RPTOR: variants seen among roughly 807,000 people sequenced by gnomAD.
RPTOR encodes the protein regulatory-associated protein of mTOR.
RPTOR carries 21 observed loss-of-function variants against 169.9 expected under a neutral mutation model. The ratio of observed to expected loss-of-function variants is 0.12; its 90% CI spans 0.09 to 0.18. The LOEUF (loss-of-function observed/expected upper bound fraction) is 0.18. Ranked by LOEUF, RPTOR falls within the 10% of genes least tolerant of loss-of-function variation. The pLI is 1.00. For missense variants in RPTOR, 1,133 were observed against 1,855.9 expected, an observed-to-expected ratio of 0.61 and a Z score of 7.16; for synonymous variants, 732 against 753.2, an observed-to-expected ratio of 0.97 and a Z score of 0.46.
At chr17:80,856,684 G>A (rs899564504) in intron 12 of RPTOR, among the ~76,000 whole-genome samples, 2 of 152,300 alleles carry the variant, frequency 1.3e-5, no homozygotes, top group East Asian at 1.9e-4. Context: ...TGGTGGTGTC[G>A]CTTAGTCATC....
chr17:80,743,763 A>AGAGCC (rs1567887225), intron 5 of RPTOR, among the ~76,000 whole-genome samples: 10 of 133,096 alleles, frequency 7.5e-5, no homozygotes, highest in Admixed American at 1.4e-4. Context: ...GGCTACTAGC[A>AGAGCC]CTCTCCTGGT....
chr17:80,938,438 CT>C (rs1353782976), intron 24 of RPTOR, among the ~76,000 whole-genome samples: 1 of 152,244 alleles, frequency 6.6e-6, no homozygotes, highest in African/African-American at 2.4e-5. Context: ...TGCAATGTCT[CT>C]GTTCCTGCAC....
intron 13 of RPTOR, among the ~76,000 whole-genome samples, chr17:80,877,124 G>A (rs540304221): frequency 1.2e-4 from 19 of 152,264 alleles, no homozygotes; most frequent in African/African-American, 3.1e-4. Context: ...GCTGGCTGCC[G>A]TTCTGCGCGT....
At chr17:80,716,433 A>T (rs2066240153) in intron 4 of RPTOR, among the ~76,000 whole-genome samples, 1 of 150,216 alleles carries the variant, frequency 6.7e-6, no homozygotes, top group African/African-American at 2.5e-5. Flanking sequence ...TTTCTTGCTG[A>T]TTTGTTTGAG....
chr17:80,880,549 A>C (rs528332237), intron 14 of RPTOR, 60 bp downstream of exon 14: 229 of 1,470,796 alleles, frequency 1.6e-4, no homozygotes, highest in Middle Eastern at 3.4e-4. Context: ...CTCTGCCCAC[A>C]CGCTGCACTG....
chr17:80,842,202 C>T (rs912878139), intron 10 of RPTOR, among the ~76,000 whole-genome samples: 1 of 152,222 alleles, frequency 6.6e-6, no homozygotes, highest in African/African-American at 2.4e-5. Context: ...CACATCAGAG[C>T]CTGAGACAAA....
rs376417830 is a variant in RPTOR at position 80,883,969 on chromosome 17, C to T, written c.1839C>T (p.Pro613=). 2.4e-5 allele frequency: 38 copies of T among 1,607,080 alleles called. No homozygotes were observed. The African/African-American group carries it at 2.9e-4, about 12-fold the overall frequency. The change falls in exon 16 of 34, where the codon CCC becomes CCT. Residue 613 remains proline, a synonymous_variant. Coordinates refer to ENST00000306801, the MANE Select transcript of RPTOR (RefSeq NM_020761.3). Reference sequence around the variant, plus strand: ...ACAGCCTCCTCTCCGACCCCATTCCCGAGGTGAGTCAGGCGGGGGCTCAGA... The same window carrying T: ...ACAGCCTCCTCTCCGACCCCATTCCTGAGGTGAGTCAGGCGGGGGCTCAGA... ...KLYSLLSDPI[P]EVRCAAVFAL...
At chr17:80,799,921 T>A (rs1264218958) in intron 7 of RPTOR, among the ~76,000 whole-genome samples, 4 of 152,228 alleles carry the variant, frequency 2.6e-5, no homozygotes, top group South Asian at 2.1e-4. Context: ...ACCTGCCCCA[T>A]GCCCATGTGT....
intron 24 of RPTOR, 88 bp from the exon 25 acceptor site, chr17:80,940,408 G>T: frequency 1.8e-6 from 2 of 1,082,134 alleles, no homozygotes; most frequent in East Asian, 2.6e-5. Flanking sequence ...TTTGCTATCC[G>T]AGGGGTCCTA....
chr17:80,699,799 C>T (rs557264246), intron 3 of RPTOR, among the ~76,000 whole-genome samples: 9 of 148,126 alleles, frequency 6.1e-5, no homozygotes, highest in East Asian at 4.1e-4. Context: ...GTGCTGTGCA[C>T]GGTACCCTGG....
chr17:80,576,314 T>G (rs2064962980), intron 1 of RPTOR, among the ~76,000 whole-genome samples: 1 of 152,238 alleles, frequency 6.6e-6, no homozygotes, highest in Non-Finnish European at 1.5e-5. Flanking sequence ...TTACTATTTT[T>G]GAAGCAGTGC....
At chr17:80,663,610 T>C (rs778271388) in intron 3 of RPTOR, among the ~76,000 whole-genome samples, 7 of 152,222 alleles carry the variant, frequency 4.6e-5, no homozygotes, top group Non-Finnish European at 8.8e-5. Context: ...TGCTTATGTT[T>C]GTGCTTATTA....
chr17:80,801,278 G>A (rs1457556977), intron 7 of RPTOR, among the ~76,000 whole-genome samples: 1 of 152,170 alleles, frequency 6.6e-6, no homozygotes, highest in African/African-American at 2.4e-5. Context: ...AACATTACCT[G>A]TAAGTCCTCC....
intron 6 of RPTOR, among the ~76,000 whole-genome samples, chr17:80,780,975 C>T (rs1456420475): frequency 6.6e-6 from 1 of 152,210 alleles, no homozygotes; most frequent in Non-Finnish European, 1.5e-5. Context: ...CCTGTTGCCT[C>T]AGCCCACTGT....
chr17:80,964,285 C>T lies in RPTOR; in HGVS notation c.3963C>T (p.Asn1321=), dbSNP rs150066910. 1.3e-4 allele frequency: 209 copies of T among 1,608,222 alleles called. 2 individuals carry two copies. In the African/African-American group the frequency reaches 2.4e-3, roughly 19 times the overall value. The part of the protein sequence containing the change: ...PHWPHLAVGS[N]DYYISVYSVE... ...AGCCTCACCTGGCCGTGGGAAGCAA[C>T]GACTACTACATCTCCGTGTACTCGG... The change falls in exon 34 of 34, where the codon AAC becomes AAT. Residue 1321 remains asparagine, a synonymous_variant. Coordinates refer to ENST00000306801, the MANE Select transcript of RPTOR (RefSeq NM_020761.3).
At chr17:80,789,418 G>C (rs1567912205) in intron 6 of RPTOR, among the ~76,000 whole-genome samples, 1 of 152,198 alleles carries the variant, frequency 6.6e-6, no homozygotes, top group African/African-American at 2.4e-5. Flanking sequence ...ATCAAGCCCT[G>C]TAGTTTGGCA....
intron 24 of RPTOR, among the ~76,000 whole-genome samples, 159 bp downstream of exon 24, chr17:80,925,639 C>T (rs2068803176): frequency 6.6e-6 from 1 of 152,214 alleles, no homozygotes. Flanking sequence ...AAGAAACAAA[C>T]TTCACTTACC....
At chr17:80,839,209 A>T (rs1036907698) in intron 10 of RPTOR, among the ~76,000 whole-genome samples, 5 of 152,126 alleles carry the variant, frequency 3.3e-5, no homozygotes, top group Non-Finnish European at 7.4e-5. Context: ...GGGGTGTTTT[A>T]ACTCCTCAGA....
At chr17:80,809,756 A>G (rs902480155) in intron 7 of RPTOR, among the ~76,000 whole-genome samples, 3 of 152,076 alleles carry the variant, frequency 2.0e-5, no homozygotes, top group African/African-American at 7.2e-5. Context: ...AAAACAGTCT[A>G]GGCCAGGTGT....
Sources: gnomAD v4.1 joint callset for allele counts (sites outside exome capture counted in the v4.1 genomes callset) on GRCh38, gnomAD v4.1.1 for gene constraint, MANE v1.5 for transcripts, NCBI Gene and HGNC (gene_info 2026-07-23, HGNC 2026-07-21) for gene names.